Variants in MTDH observed in about 807,000 individuals in gnomAD.
MTDH encodes metadherin.
In MTDH, 34 loss-of-function variants were observed where a neutral mutation model predicts 72.7. That is an observed-to-expected ratio of 0.47 (90% CI 0.36 to 0.62). The LOEUF (loss-of-function observed/expected upper bound fraction) is 0.62. Ranked by LOEUF, MTDH falls within the 20% of genes least tolerant of loss-of-function variation. MTDH has a pLI of 0.00. For synonymous variants in MTDH, 266 were observed against 268.9 expected (o/e 0.99, Z 0.10); for missense variants, 677 against 699.4 (o/e 0.97, Z 0.36).
At chr8:97,671,148 G>A (rs1812606274) in intron 2 of MTDH, among the ~76,000 whole-genome samples, 2 of 152,002 alleles carry the variant, frequency 1.3e-5, no homozygotes, top group Non-Finnish European at 2.9e-5. Context: ...TGTATTTTTA[G>A]TAGAGACGGG....
At chr8:97,648,246 T>C (rs1811636549) in intron 1 of MTDH, among the ~76,000 whole-genome samples, 1 of 152,120 alleles carries the variant, frequency 6.6e-6, no homozygotes, top group Non-Finnish European at 1.5e-5. Context: ...TGGGCTCAGT[T>C]CTTGGCATTT....
At position 97,728,279 on chromosome 8, in the gene MTDH, C is replaced by T. The variant is rs1586296994; in HGVS notation, c.*3609C>T. ...CCATTTTTGATTTGTTTAAATTGCTCGTTACAGTTCTCTTGTGGGGAGGGA... is the reference window on the plus strand; with the variant it reads ...CCATTTTTGATTTGTTTAAATTGCTTGTTACAGTTCTCTTGTGGGGAGGGA... On this transcript the variant is annotated 3_prime_UTR_variant, in exon 12 of 12. Transcript: ENST00000336273. 14 of 152,068 alleles carry T rather than the reference C, an allele frequency of 9.2e-5. No individual in the cohort carries two copies. The highest frequency in any genetic ancestry group is 8.5e-4 in the Admixed American group (13 of 15,260). The allele number at this position is 152,068 out of a possible 1,614,324, so 9.4% of individuals were successfully genotyped here.
intron 5 of MTDH, 141 bp downstream of exon 5, chr8:97,689,244 C>T: frequency 6.4e-6 from 3 of 467,488 alleles, no homozygotes; most frequent in Middle Eastern, 1.1e-3. Context: ...AACATAATCA[C>T]AGTACAGAGA....
chr8:97,656,911 G>A (rs1372226846), intron 1 of MTDH, among the ~76,000 whole-genome samples: 1 of 151,994 alleles, frequency 6.6e-6, no homozygotes, highest in Non-Finnish European at 1.5e-5. Context: ...GAACCTGGGA[G>A]GTGGAGGCTG....
intron 7 of MTDH, among the ~76,000 whole-genome samples, chr8:97,702,515 G>T (rs1167200747): frequency 6.6e-6 from 1 of 152,238 alleles, no homozygotes; most frequent in Non-Finnish European, 1.5e-5. Flanking sequence ...TATGCAGTAA[G>T]TACTGCTGTT....
chr8:97,697,130 A>AAAAAAAAAAAAAAAAAAAAATTTTT (rs1813874804), intron 6 of MTDH, among the ~76,000 whole-genome samples: 1 of 93,394 alleles, frequency 1.1e-5, no homozygotes, highest in Non-Finnish European at 1.9e-5. Flanking sequence ...AAAAAAAAAA[A>AAAAAAAAAAAAAAAAAAAAATTTTT]TATATATATA....
chr8:97,644,840 G>C lies in MTDH; in HGVS notation c.334G>C (p.Glu112Gln). 1 of 1,577,976 alleles carries C rather than the reference G, an allele frequency of 6.3e-7. No individual in the cohort carries two copies. Among genetic ancestry groups the C allele is most frequent in the Non-Finnish European group, 8.6e-7 (1 of 1,169,296 alleles). The change falls in exon 1 of 12, where the codon GAG (glutamate) becomes CAG (glutamine). Residue 112 changes from glutamate (E) to glutamine (Q), a missense_variant. By Grantham distance (29) the Glu-to-Gln change is conservative (BLOSUM62 2). This residue lies in a region of MTDH where 467 missense variants were observed against 469.1 expected (regional missense o/e 1.00). Coordinates refer to ENST00000336273, the MANE Select transcript of MTDH (RefSeq NM_178812.4). ...DLALLKNLRS[E>Q]EQKKKNRKKL... ...GGCCTTGCTGAAGAATCTCCGGAGC[G>C]AGGAACAGAAGAAGAAGAACCGGAA...
At chr8:97,653,424 TCAGAAGTTTCTGC>T (rs1198162822) in intron 1 of MTDH, among the ~76,000 whole-genome samples, 3 of 152,202 alleles carry the variant, frequency 2.0e-5, no homozygotes, top group African/African-American at 7.2e-5. Context: ...AAATTTCGAG[TCAGAAGTTTCTGC>T]TGAAAATTAT....
intron 9 of MTDH, among the ~76,000 whole-genome samples, chr8:97,716,285 C>G (rs1814866192): frequency 6.6e-6 from 1 of 152,040 alleles, no homozygotes; most frequent in Non-Finnish European, 1.5e-5. Flanking sequence ...ACTCGGGAGG[C>G]TGAGGTAGGA....
At chr8:97,703,612 G>T (rs1369022075) in intron 7 of MTDH, among the ~76,000 whole-genome samples, 1 of 152,116 alleles carries the variant, frequency 6.6e-6, no homozygotes, top group African/African-American at 2.4e-5. Context: ...ACCTCCTAAA[G>T]TATTATTAAT....
At chr8:97,659,192 G>A (rs1209717799) in intron 1 of MTDH, among the ~76,000 whole-genome samples, 1 of 151,834 alleles carries the variant, frequency 6.6e-6, no homozygotes, top group Non-Finnish European at 1.5e-5. Context: ...ACAAAGTTTT[G>A]TATTCCTGAT....
At chr8:97,651,423 T>TA (rs965544525) in intron 1 of MTDH, among the ~76,000 whole-genome samples, 3 of 152,092 alleles carry the variant, frequency 2.0e-5, no homozygotes, top group Non-Finnish European at 4.4e-5. Context: ...GCAAAATCAC[T>TA]AACAAAAAGC....
intron 2 of MTDH, among the ~76,000 whole-genome samples, chr8:97,670,465 A>T (rs550222045): frequency 2.6e-5 from 4 of 152,046 alleles, no homozygotes; most frequent in African/African-American, 9.7e-5. Flanking sequence ...AAAAATACAA[A>T]AAGAAAATTA....
intron 2 of MTDH, among the ~76,000 whole-genome samples, chr8:97,672,960 C>G (rs1177403238): frequency 6.6e-6 from 1 of 152,104 alleles, no homozygotes; most frequent in African/African-American, 2.4e-5. Flanking sequence ...ATCATGTATA[C>G]AAATATAGTA....
chr8:97,715,487 A>AT (rs1226740182), intron 9 of MTDH, among the ~76,000 whole-genome samples: 6 of 152,152 alleles, frequency 3.9e-5, no homozygotes, highest in African/African-American at 1.4e-4. Flanking sequence ...GTATTCAGTT[A>AT]TTTTTTATTG....
intron 7 of MTDH, among the ~76,000 whole-genome samples, chr8:97,704,781 C>T (rs985758757): frequency 6.6e-6 from 1 of 151,806 alleles, no homozygotes; most frequent in Non-Finnish European, 1.5e-5. Context: ...TTAAAACTTT[C>T]ATAAGAATGT....
chr8:97,690,065 G>T (rs1813535364), intron 5 of MTDH, among the ~76,000 whole-genome samples: 1 of 150,848 alleles, frequency 6.6e-6, no homozygotes, highest in Non-Finnish European at 1.5e-5. Flanking sequence ...CACAATCTCG[G>T]CTCACTGCAA....
intron 5 of MTDH, among the ~76,000 whole-genome samples, chr8:97,690,098 A>G (rs561188983): frequency 6.6e-6 from 1 of 151,220 alleles, no homozygotes; most frequent in East Asian, 1.9e-4. Context: ...GGGTTCAAAC[A>G]ATTCTGCTTC....
At chr8:97,677,112 G>A (rs1453630358) in intron 2 of MTDH, among the ~76,000 whole-genome samples, 1 of 145,874 alleles carries the variant, frequency 6.9e-6, no homozygotes, top group African/African-American at 2.6e-5. Flanking sequence ...GAGCCCAGGA[G>A]GTCAAGGCTG....
Sources: allele counts gnomAD v4.1 joint callset (sites outside exome capture counted in the v4.1 genomes callset), GRCh38; gene constraint gnomAD v4.1.1; regional missense constraint gnomAD v4.1.1; transcripts MANE v1.5; gene names NCBI Gene and HGNC (gene_info 2026-07-23, HGNC 2026-07-21).